Variants in B3GALT1 observed in about 807,000 individuals in gnomAD.
The protein encoded by B3GALT1 is UDP-Gal:betaGlcNAc beta 1,3-galactosyltransferase, polypeptide 1.
In B3GALT1, 10 loss-of-function variants were observed where a neutral mutation model predicts 23.2. The ratio of observed to expected loss-of-function variants is 0.43; its 90% confidence interval spans 0.27 to 0.73. The LOEUF (loss-of-function observed/expected upper bound fraction) is 0.73, where lower values mean the gene tolerates loss of function less well. B3GALT1 is among the 30% of genes least tolerant of loss of function. The pLI is 0.21. For synonymous variants in B3GALT1, 156 were observed against 141.5 expected (o/e 1.10, Z -0.73); for missense variants, 299 against 405.4 (o/e 0.74, Z 2.25).
chr2:167,388,553 A>T (rs1384881317), intron 1 of B3GALT1, among the ~76,000 whole-genome samples: 1 of 152,160 alleles, frequency 6.6e-6, no homozygotes, highest in Non-Finnish European at 1.5e-5. Flanking sequence ...AAAACACCTG[A>T]GGGTAAATAT....
At chr2:167,409,777 A>G (rs1698362297) in intron 1 of B3GALT1, among the ~76,000 whole-genome samples, 1 of 151,712 alleles carries the variant, frequency 6.6e-6, no homozygotes, top group African/African-American at 2.4e-5. Context: ...TCAGGAAACA[A>G]CAGATGCTGG....
chr2:167,485,736 G>A lies in B3GALT1; in HGVS notation c.-510-4441G>A, dbSNP rs148872108. On this transcript the variant is annotated intron_variant, in intron 1 of 4. Coordinates refer to ENST00000392690, the MANE Select transcript of B3GALT1 (RefSeq NM_020981.4). ...TATGCATATGCATTAAAGATAAGCCGTAAATTTGAACCTCTGGAAAAATTT... is the reference window on the plus strand; with the variant it reads ...TATGCATATGCATTAAAGATAAGCCATAAATTTGAACCTCTGGAAAAATTT... Among the ~76,000 whole-genome samples the A allele has an allele frequency of 8.3e-4, 126 of 152,240 alleles. 1 individual carries two copies. The highest frequency in any genetic ancestry group is 7.1e-3 in the East Asian group (37 of 5,178).
intron 2 of B3GALT1, among the ~76,000 whole-genome samples, chr2:167,609,463 C>T (rs1186672173): frequency 6.6e-6 from 1 of 152,074 alleles, no homozygotes; most frequent in Non-Finnish European, 1.5e-5. Context: ...TCAATAGTGT[C>T]CTCAAGGTTC....
At chr2:167,323,033 A>G (rs557961105) in intron 1 of B3GALT1, among the ~76,000 whole-genome samples, 16 of 152,220 alleles carry the variant, frequency 1.1e-4, no homozygotes, top group African/African-American at 3.4e-4. Context: ...GTCTAAAACA[A>G]TGCCTCTATT....
chr2:167,615,567 C>A (rs182309212), intron 2 of B3GALT1, among the ~76,000 whole-genome samples: 274 of 151,786 alleles, frequency 1.8e-3, no homozygotes, highest in African/African-American at 6.3e-3. Flanking sequence ...AATAAGTATA[C>A]GAAGTAATGA....
chr2:167,624,088 A>G (rs1460695897), intron 2 of B3GALT1, among the ~76,000 whole-genome samples: 3 of 152,064 alleles, frequency 2.0e-5, no homozygotes, highest in Non-Finnish European at 4.4e-5. Flanking sequence ...TGGGCTAAGA[A>G]TATTCCGAAC....
At chr2:167,583,339 A>G (rs116526764) in intron 2 of B3GALT1, among the ~76,000 whole-genome samples, 2,650 of 152,262 alleles carry the variant, frequency 0.017, 70 homozygotes, top group African/African-American at 0.06. Flanking sequence ...ATTTTGGGAA[A>G]AAAAATGCTG....
intron 2 of B3GALT1, among the ~76,000 whole-genome samples, chr2:167,638,983 A>T (rs1685607463): frequency 6.6e-6 from 1 of 151,972 alleles, no homozygotes; most frequent in African/African-American, 2.4e-5. Context: ...TTTTAATTCC[A>T]TTGGCCTGCC....
chr2:167,512,534 G>GTA (rs1196371799), intron 2 of B3GALT1, among the ~76,000 whole-genome samples: 11 of 100,538 alleles, frequency 1.1e-4, no homozygotes, highest in South Asian at 1.1e-3. Context: ...ATGTGTGTGT[G>GTA]TATATATATA....
At chr2:167,629,164 T>TA (rs1330311384) in intron 2 of B3GALT1, among the ~76,000 whole-genome samples, 4 of 151,616 alleles carry the variant, frequency 2.6e-5, no homozygotes, top group Non-Finnish European at 5.9e-5. Context: ...CCAGTAACAA[T>TA]ATTGAATATC....
intron 2 of B3GALT1, among the ~76,000 whole-genome samples, chr2:167,522,744 C>G (rs1700208972): frequency 6.6e-6 from 1 of 152,088 alleles, no homozygotes; most frequent in African/African-American, 2.4e-5. Flanking sequence ...CCTATCTAAC[C>G]TTCCCAAGTC....
At chr2:167,852,918 T>A (rs1689932348) in intron 4 of B3GALT1, among the ~76,000 whole-genome samples, 1 of 152,126 alleles carries the variant, frequency 6.6e-6, no homozygotes, top group African/African-American at 2.4e-5. Flanking sequence ...GCAAAAATGA[T>A]AAAGATAGAA....
At chr2:167,787,296 TA>T (rs1314178087) in intron 3 of B3GALT1, among the ~76,000 whole-genome samples, 1 of 152,172 alleles carries the variant, frequency 6.6e-6, no homozygotes, top group Non-Finnish European at 1.5e-5. Context: ...CTGTGAGGTT[TA>T]TATCAGGAAG....
intron 1 of B3GALT1, among the ~76,000 whole-genome samples, chr2:167,312,392 A>G (rs947880408): frequency 6.6e-6 from 1 of 152,064 alleles, no homozygotes; most frequent in Non-Finnish European, 1.5e-5. Flanking sequence ...TTGAACAAGG[A>G]CGTAAGACTT....
At chr2:167,577,235 C>T (rs1425678668) in intron 2 of B3GALT1, among the ~76,000 whole-genome samples, 3 of 151,736 alleles carry the variant, frequency 2.0e-5, no homozygotes, top group African/African-American at 7.3e-5. Context: ...CTTTCTGCAC[C>T]CTACTCATCA....
At position 167,406,420 on chromosome 2, in the gene B3GALT1, C is replaced by T. The variant is rs567014411; in HGVS notation, c.-510-83757C>T. On this transcript the variant is annotated intron_variant, in intron 1 of 4. Transcript: ENST00000392690. ...TATGGGATGAAACAATTCCTGGAGCCACAGAAAAGTGGAGAAACTCCAAGC... is the reference window on the plus strand; with the variant it reads ...TATGGGATGAAACAATTCCTGGAGCTACAGAAAAGTGGAGAAACTCCAAGC... Among the ~76,000 whole-genome samples, 12 of 152,100 alleles carry T rather than the reference C, an allele frequency of 7.9e-5. No individual in the cohort carries two copies. The South Asian group carries it at 2.5e-3, about 32-fold the overall frequency.
chr2:167,679,362 G>A (rs1426136794), intron 3 of B3GALT1, among the ~76,000 whole-genome samples: 20 of 148,396 alleles, frequency 1.3e-4, no homozygotes, highest in Non-Finnish European at 9.0e-5. Context: ...CAGGTGATCC[G>A]CCCACCTCGG....
intron 3 of B3GALT1, among the ~76,000 whole-genome samples, chr2:167,797,419 A>G (rs1015715326): frequency 2.0e-5 from 3 of 152,192 alleles, no homozygotes; most frequent in African/African-American, 7.2e-5. Context: ...TGCTATTGTG[A>G]ATAGTGCTAG....
intron 2 of B3GALT1, among the ~76,000 whole-genome samples, chr2:167,529,333 T>C (rs568213885): frequency 7.9e-5 from 12 of 152,088 alleles, no homozygotes; most frequent in South Asian, 6.2e-4. Flanking sequence ...GATTTTCTTA[T>C]CATATGTACC....
Sources: allele counts gnomAD v4.1 joint callset (sites outside exome capture counted in the v4.1 genomes callset), GRCh38; gene constraint gnomAD v4.1.1; transcripts MANE v1.5; gene names NCBI Gene and HGNC (gene_info 2026-07-23, HGNC 2026-07-21).